The following NANOS1 variants were observed in gnomAD, a reference collection of about 807,000 sequenced individuals.
NANOS1 encodes the protein nanos C2HC-type zinc finger 1, also known as nanos homolog 1.
NANOS1 carries 1 observed loss-of-function variant against 1.1 expected under a neutral mutation model. That is an observed-to-expected ratio of 0.88 (90% CI 0.31 to 4.20). The LOEUF (loss-of-function observed/expected upper bound fraction) is 4.20, where lower values mean the gene tolerates loss of function less well. NANOS1 is among the 30% of genes most tolerant of loss of function. The pLI is 0.17. For missense variants in NANOS1, 537 were observed against 457.9 expected (o/e 1.17, Z -1.58); for synonymous variants, 252 against 230.6 (o/e 1.09, Z -0.84).
At position 119,030,674 on chromosome 10, in the gene NANOS1, G is replaced by T; in HGVS notation, c.873G>T (p.Leu291=). 2 of 1,322,250 alleles carry T rather than the reference G, an allele frequency of 1.5e-6. No homozygotes were observed. Among genetic ancestry groups the T allele is most frequent in the Non-Finnish European group, 1.9e-6 (2 of 1,038,898 alleles). 81.9% of individuals were successfully genotyped at this position (1,322,250 alleles called of 1,614,324 possible). Residue 291 remains leucine (L), a synonymous_variant, in exon 1 of 1, where the codon CTG becomes CTT. Transcript: ENST00000425699. The surrounding 1 kb of genome is among the most constrained non-coding windows in gnomAD (Gnocchi z 5.3). ...SARDGPPGKK[L]R is the part of the protein sequence containing the mutation. ...GGGACGGCCCGCCTGGCAAGAAGCT[G>T]CGCTGAAGGCCCGGGCTCCCGGCCG...
rs961126823 is a variant in NANOS1 at position 119,030,682 on chromosome 10, G to A, written c.*2G>A. ...CCGCCTGGCAAGAAGCTGCGCTGAA[G>A]GCCCGGGCTCCCGGCCGCCCAGGGT... On this transcript the variant is annotated 3_prime_UTR_variant, in exon 1 of 1. Transcript: ENST00000425699. This position sits in a 1 kb window ranked among gnomAD's most constrained non-coding sequence, Gnocchi z 5.3. 1 of 1,298,310 alleles carries A rather than the reference G, an allele frequency of 7.7e-7. No homozygotes were observed. The highest frequency in any genetic ancestry group is 9.7e-7 in the Non-Finnish European group (1 of 1,025,914). 80.4% of individuals were successfully genotyped at this position (1,298,310 alleles called of 1,614,324 possible).
At position 119,030,556 on chromosome 10, in the gene NANOS1, G is replaced by T; in HGVS notation, c.755G>T (p.Cys252Phe). The part of the protein sequence containing the change: ...PVLRRYTCPL[C>F]GASGDNAHTI... Reference sequence around the variant, plus strand: ...CTGCGCCGCTACACGTGTCCCCTGTGCGGCGCCAGCGGCGACAACGCGCAC... The same window carrying T: ...CTGCGCCGCTACACGTGTCCCCTGTTCGGCGCCAGCGGCGACAACGCGCAC... The change falls in exon 1 of 1, where the codon TGC becomes TTC. Residue 252 changes from cysteine to phenylalanine, a missense_variant. By Grantham distance (205) the Cys-to-Phe change is radical. Coordinates refer to ENST00000425699, the MANE Select transcript of NANOS1 (RefSeq NM_199461.4). This position sits in a 1 kb window ranked among gnomAD's most constrained non-coding sequence, Gnocchi z 5.3. 1 of 1,528,948 alleles carries T rather than the reference G, an allele frequency of 6.5e-7. No individual in the cohort carries two copies. 94.7% of individuals were successfully genotyped at this position (1,528,948 alleles called of 1,614,324 possible). A position where few individuals can be genotyped will look rare whatever the true frequency, so the allele number is the denominator to read the frequency against.
At position 119,030,555 on chromosome 10, in the gene NANOS1, TGCGGCGCCA is replaced by T. The variant is rs758885017; in HGVS notation, c.761_769del (p.Ala254_Gly256del). 4.6e-6 allele frequency: 7 copies of T among 1,530,034 alleles called. No individual in the cohort carries two copies. The highest frequency in any genetic ancestry group is 5.2e-6 in the Non-Finnish European group (6 of 1,143,476). The allele number at this position is 1,530,034 out of a possible 1,614,324, so 94.8% of individuals were successfully genotyped here. On this transcript the variant is annotated inframe_deletion, in exon 1 of 1. Coordinates refer to ENST00000425699, the MANE Select transcript of NANOS1 (RefSeq NM_199461.4). The surrounding 1 kb of genome is among the most constrained non-coding windows in gnomAD (Gnocchi z 5.3). ...GCTGCGCCGCTACACGTGTCCCCTG[TGCGGCGCCA>T]GCGGCGACAACGCGCACACCATCAA...
chr10:119,030,110 C>T lies in NANOS1; in HGVS notation c.309C>T (p.Pro103=), dbSNP rs1178596511. 6 of 1,326,548 alleles carry T rather than the reference C, an allele frequency of 4.5e-6. No individual in the cohort carries two copies. Among genetic ancestry groups the T allele is most frequent in the Non-Finnish European group, 5.7e-6 (6 of 1,043,676 alleles). The allele number at this position is 1,326,548 out of a possible 1,614,324, so 82.2% of individuals were successfully genotyped here. A position where few individuals can be genotyped will look rare whatever the true frequency, so the allele number is the denominator to read the frequency against. The change falls in exon 1 of 1, where the codon CCC becomes CCT. Residue 103 remains proline, a synonymous_variant. Transcript: ENST00000425699. The surrounding 1 kb of genome is among the most constrained non-coding windows in gnomAD (Gnocchi z 5.3). ...PGALGPALGP[P]DYDEDDDDDS... is the part of the protein sequence containing the mutation. ...CGCTGGGGCCGGCGCTGGGGCCGCC[C>T]GACTACGACGAGGACGACGACGACG...
rs1437892621 is a variant in NANOS1 at position 119,030,658 on chromosome 10, C to T, written c.857C>T (p.Pro286Leu). The stretch of plus-strand genomic sequence containing the variant: ...CCGCCCCGCAGCGCCAGGGACGGCC[C>T]GCCTGGCAAGAAGCTGCGCTGAAGG... ...RPPPRSARDGPPGKKLR is the reference protein window; with the variant it reads ...RPPPRSARDGLPGKKLR Residue 286 changes from proline to leucine, a missense_variant, in exon 1 of 1, where the codon CCG (proline) becomes CTG (leucine). By Grantham distance (98) the Pro-to-Leu change is moderately conservative. Transcript: ENST00000425699. The surrounding 1 kb of genome is among the most constrained non-coding windows in gnomAD (Gnocchi z 5.3). 1.4e-6 allele frequency: 2 copies of T among 1,387,014 alleles called. No homozygotes were observed. Among genetic ancestry groups the T allele is most frequent in the Non-Finnish European group, 9.4e-7 (1 of 1,068,862 alleles). 85.9% of individuals were successfully genotyped at this position (1,387,014 alleles called of 1,614,324 possible).
rs1848053669 is a variant in NANOS1 at position 119,031,788 on chromosome 10, CTT to C, written c.*1110_*1111del. 6.0e-6 allele frequency: 1 copy of C among 167,060 alleles called. No individual in the cohort carries two copies. Among genetic ancestry groups the C allele is most frequent in the African/African-American group, 2.4e-5 (1 of 41,456 alleles). The allele number at this position is 167,060 out of a possible 1,614,324, so 10.3% of individuals were successfully genotyped here. ...AGGTTCCACCGTGGGCTGCGTCTGA[CTT>C]TAATACAGGCAGTGCTCAAACTAGA... On this transcript the variant is annotated 3_prime_UTR_variant, in exon 1 of 1. Transcript: ENST00000425699.
At position 119,031,917 on chromosome 10, in the gene NANOS1, C is replaced by T. The variant is rs980724265; in HGVS notation, c.*1237C>T. 1 of 167,116 alleles carries T rather than the reference C, an allele frequency of 6.0e-6. No homozygotes were observed. Among genetic ancestry groups the T allele is most frequent in the Non-Finnish European group, 1.5e-5 (1 of 68,126 alleles). 10.4% of individuals were successfully genotyped at this position (167,116 alleles called of 1,614,324 possible). A position where few individuals can be genotyped will look rare whatever the true frequency, so the allele number is the denominator to read the frequency against. On this transcript the variant is annotated 3_prime_UTR_variant, in exon 1 of 1. Transcript: ENST00000425699. ...GGAACCCCACCAGTTTACCCATAAG[C>T]AAGACTAAACCTGATCCTTGGGCAA... is the stretch of plus-strand genomic sequence containing the variant.
In NANOS1 at chr10:119,030,184, A is replaced by G. The variant is rs1468747161; in HGVS notation, c.383A>G (p.Glu128Gly). ...SRGRYLGSALELRALELCAGP... is the reference protein window; with the variant it reads ...SRGRYLGSALGLRALELCAGP... ...GGCCGCTACCTGGGGAGCGCGCTGGAATTGCGCGCGCTGGAGCTGTGCGCG... is the reference window on the plus strand; with the variant it reads ...GGCCGCTACCTGGGGAGCGCGCTGGGATTGCGCGCGCTGGAGCTGTGCGCG... Residue 128 changes from glutamate to glycine, a missense_variant, in exon 1 of 1, where the codon GAA becomes GGA. By Grantham distance (98) the Glu-to-Gly change is moderately conservative (BLOSUM62 -2). Transcript: ENST00000425699. This position sits in a 1 kb window ranked among gnomAD's most constrained non-coding sequence, Gnocchi z 5.3. 1.5e-6 allele frequency: 2 copies of G among 1,341,652 alleles called. No homozygotes were observed. The highest frequency in any genetic ancestry group is 1.9e-5 in the South Asian group (1 of 52,182). The allele number at this position is 1,341,652 out of a possible 1,614,324, so 83.1% of individuals were successfully genotyped here.
At position 119,029,763 on chromosome 10, in the gene NANOS1, C is replaced by CCGGCGG; in HGVS notation, c.-35_-30dup. 1 of 974,750 alleles carries CCGGCGG rather than the reference C, an allele frequency of 1.0e-6. No homozygotes were observed. Among genetic ancestry groups the CCGGCGG allele is most frequent in the Non-Finnish European group, 1.2e-6 (1 of 822,600 alleles). 60.4% of individuals were successfully genotyped at this position (974,750 alleles called of 1,614,324 possible). A position where few individuals can be genotyped will look rare whatever the true frequency, so the allele number is the denominator to read the frequency against. ...GCGTGTCCCTTCCGTCCGGCCCGCG[C>CCGGCGG]CGGCGGCGGGGAGGCGGCGCGCGGC... On this transcript the variant is annotated 5_prime_UTR_variant, in exon 1 of 1. Transcript: ENST00000425699.
chr10:119,030,170 G>A lies in NANOS1; in HGVS notation c.369G>A (p.Leu123=). The A allele has an allele frequency of 1.5e-6, 2 of 1,349,216 alleles. No homozygotes were observed. Among genetic ancestry groups the A allele is most frequent in the East Asian group, 3.0e-5 (1 of 32,922 alleles). 83.6% of individuals were successfully genotyped at this position (1,349,216 alleles called of 1,614,324 possible). ...SDEPGSRGRY[L]GSALELRALE... ...AGCCGGGGTCCCGGGGCCGCTACCT[G>A]GGGAGCGCGCTGGAATTGCGCGCGC... is the stretch of plus-strand genomic sequence containing the variant. The change falls in exon 1 of 1, where the codon CTG becomes CTA. Residue 123 remains leucine (L), a synonymous_variant. Coordinates refer to ENST00000425699, the MANE Select transcript of NANOS1 (RefSeq NM_199461.4). This position sits in a 1 kb window ranked among gnomAD's most constrained non-coding sequence, Gnocchi z 5.3.
Position 119,030,251 on chromosome 10 carries a change from G to C in NANOS1, c.450G>C (p.Glu150Asp). Residue 150 changes from glutamate (E) to aspartate (D), a missense_variant, in exon 1 of 1, where the codon GAG (glutamate) becomes GAC (aspartate). Coordinates refer to ENST00000425699, the MANE Select transcript of NANOS1 (RefSeq NM_199461.4). The surrounding 1 kb of genome is among the most constrained non-coding windows in gnomAD (Gnocchi z 5.3). ...EAGLLEERFA[E>D]LSPFAGRAAA... is the part of the protein sequence containing the mutation. ...GGCTGCTGGAGGAGCGCTTCGCCGA[G>C]CTGAGCCCGTTCGCGGGTCGTGCCG... 1 of 1,254,140 alleles carries C rather than the reference G, an allele frequency of 8.0e-7. No homozygotes were observed. Among genetic ancestry groups the C allele is most frequent in the Non-Finnish European group, 1.0e-6 (1 of 1,002,112 alleles). 77.7% of individuals were successfully genotyped at this position (1,254,140 alleles called of 1,614,324 possible). A position where few individuals can be genotyped will look rare whatever the true frequency, so the allele number is the denominator to read the frequency against.
Position 119,030,086 on chromosome 10 carries a change from G to T in NANOS1, c.285G>T (p.Ala95=). 1 of 1,312,090 alleles carries T rather than the reference G, an allele frequency of 7.6e-7. No homozygotes were observed. Among genetic ancestry groups the T allele is most frequent in the East Asian group, 3.1e-5 (1 of 32,046 alleles). The allele number at this position is 1,312,090 out of a possible 1,614,324, so 81.3% of individuals were successfully genotyped here. ...CCCACACGGGGGCCGGGCCTGGGGC[G>T]CTGGGGCCGGCGCTGGGGCCGCCCG... is the stretch of plus-strand genomic sequence containing the variant. ...CSPHTGAGPG[A]LGPALGPPDY... is the part of the protein sequence containing the mutation. The change falls in exon 1 of 1, where the codon GCG becomes GCT. Residue 95 remains alanine, a synonymous_variant. Coordinates refer to ENST00000425699, the MANE Select transcript of NANOS1 (RefSeq NM_199461.4). This position sits in a 1 kb window ranked among gnomAD's most constrained non-coding sequence, Gnocchi z 5.3.
At position 119,031,523 on chromosome 10, in the gene NANOS1, C is replaced by A; in HGVS notation, c.*843C>A. 6.0e-6 allele frequency: 1 copy of A among 167,158 alleles called. No individual in the cohort carries two copies. The allele number at this position is 167,158 out of a possible 1,614,324, so 10.4% of individuals were successfully genotyped here. ...ACAGTAACAGTATGAATTCATTAAT[C>A]TCACCTGTAACTTTCCTACTTGGCA... On this transcript the variant is annotated 3_prime_UTR_variant, in exon 1 of 1. Transcript: ENST00000425699.
rs1189050530 is a variant in NANOS1, at chr10:119,029,776, G to GGCGGCGC, written c.-20_-14dup. On this transcript the variant is annotated 5_prime_UTR_variant, in exon 1 of 1. Coordinates refer to ENST00000425699, the MANE Select transcript of NANOS1 (RefSeq NM_199461.4). ...GTCCGGCCCGCGCCGGCGGCGGGGAGGCGGCGCGCGGCCCGCAGCCCGCCC... is the reference window on the plus strand; with the variant it reads ...GTCCGGCCCGCGCCGGCGGCGGGGAGGCGGCGCGCGGCGCGCGGCCCGCAGCCCGCCC... 48 of 985,540 alleles carry GGCGGCGC rather than the reference G, an allele frequency of 4.9e-5. No homozygotes were observed. Among genetic ancestry groups the GGCGGCGC allele is most frequent in the Non-Finnish European group, 5.1e-5 (42 of 831,134 alleles). 61.0% of individuals were successfully genotyped at this position (985,540 alleles called of 1,614,324 possible).
rs1848065113 is a variant in NANOS1, at chr10:119,032,422, G to C, written c.*1742G>C. 6.0e-6 allele frequency: 1 copy of C among 166,944 alleles called. No individual in the cohort carries two copies. The allele number at this position is 166,944 out of a possible 1,614,324, so 10.3% of individuals were successfully genotyped here. ...CAGAGAGAACTGCAGATCTGACTGG[G>C]CCTAAATTAAGTAGCTTAATGAAAC... On this transcript the variant is annotated 3_prime_UTR_variant, in exon 1 of 1. Transcript: ENST00000425699.
rs1482215452 is a variant in NANOS1, at chr10:119,030,946, G to T, written c.*266G>T. 5.3e-6 allele frequency: 2 copies of T among 380,392 alleles called. No individual in the cohort carries two copies. The highest frequency in any genetic ancestry group is 4.9e-5 in the Admixed American group (1 of 20,582). The allele number at this position is 380,392 out of a possible 1,614,324, so 23.6% of individuals were successfully genotyped here. ...AGGCTGGGTGTGTATTCCACTAACTGAAATATGGCAACTTAGAGGCGCTGT... is the reference window on the plus strand; with the variant it reads ...AGGCTGGGTGTGTATTCCACTAACTTAAATATGGCAACTTAGAGGCGCTGT... On this transcript the variant is annotated 3_prime_UTR_variant, in exon 1 of 1. Transcript: ENST00000425699. The surrounding 1 kb of genome is among the most constrained non-coding windows in gnomAD (Gnocchi z 5.3).
rs1175608666 is a variant in NANOS1, at chr10:119,030,514, G to A, written c.713G>A (p.Arg238Gln). 1 of 1,516,556 alleles carries A rather than the reference G, an allele frequency of 6.6e-7. No homozygotes were observed. Among genetic ancestry groups the A allele is most frequent in the Non-Finnish European group, 8.8e-7 (1 of 1,135,442 alleles). The allele number at this position is 1,516,556 out of a possible 1,614,324, so 93.9% of individuals were successfully genotyped here. Residue 238 changes from arginine to glutamine, a missense_variant, in exon 1 of 1, where the codon CGA becomes CAA. Physicochemically the swap from Arg to Gln is conservative, Grantham distance 43. Transcript: ENST00000425699. This position sits in a 1 kb window ranked among gnomAD's most constrained non-coding sequence, Gnocchi z 5.3. The stretch of plus-strand genomic sequence containing the variant: ...CATATCCTCAAGGGCCCCGACGGGC[G>A]AGTGCTGTGTCCCGTGCTGCGCCGC... ...TTHILKGPDG[R>Q]VLCPVLRRYT...
At position 119,031,441 on chromosome 10, in the gene NANOS1, A is replaced by G. The variant is rs773738347; in HGVS notation, c.*761A>G. 1 of 167,136 alleles carries G rather than the reference A, an allele frequency of 6.0e-6. No homozygotes were observed. The highest frequency in any genetic ancestry group is 6.5e-5 in the Admixed American group (1 of 15,288). The allele number at this position is 167,136 out of a possible 1,614,324, so 10.4% of individuals were successfully genotyped here. On this transcript the variant is annotated 3_prime_UTR_variant, in exon 1 of 1. Transcript: ENST00000425699. ...CCACCTTTAAAAGTTGTGCCAAGTC[A>G]TAATCATATTGTGTATAACTTGGAA... is the stretch of plus-strand genomic sequence containing the variant.
In NANOS1 at chr10:119,033,687, T is replaced by C. The variant is rs1848085780; in HGVS notation, c.*3007T>C. On this transcript the variant is annotated 3_prime_UTR_variant, in exon 1 of 1. Transcript: ENST00000425699. ...AGAACAACTTTTGTCATAGATTTGATTTATTAAACCAAAATTATACATATT... is the reference window on the plus strand; with the variant it reads ...AGAACAACTTTTGTCATAGATTTGACTTATTAAACCAAAATTATACATATT... The C allele has an allele frequency of 6.0e-6, 1 of 166,550 alleles. No homozygotes were observed. The allele number at this position is 166,550 out of a possible 1,614,324, so 10.3% of individuals were successfully genotyped here. A position where few individuals can be genotyped will look rare whatever the true frequency, so the allele number is the denominator to read the frequency against.
Sources: allele counts gnomAD v4.1 joint callset, GRCh38; gene constraint gnomAD v4.1.1; non-coding constraint Gnocchi (gnomAD v3.1); transcripts MANE v1.5; gene names NCBI Gene and HGNC (gene_info 2026-07-23, HGNC 2026-07-21).